The following MYO1F variants were observed in gnomAD, a reference collection of about 807,000 sequenced individuals.
MYO1F encodes myosin IF.
Under a neutral mutation model 146.6 loss-of-function variants are expected in MYO1F, and 60 were observed. The ratio of observed to expected loss-of-function variants is 0.41; its 90% CI spans 0.33 to 0.51. The LOEUF (loss-of-function observed/expected upper bound fraction) is 0.51. Ranked by LOEUF, MYO1F falls within the 20% of genes least tolerant of loss-of-function variation. MYO1F has a pLI of 0.25. For synonymous variants in MYO1F, 602 were observed against 602.1 expected, an observed-to-expected ratio of 1.00 and a Z score of 0.00; for missense variants, 1,274 against 1,534.3, an observed-to-expected ratio of 0.83 and a Z score of 2.83.
At chr19:8,531,686 T>C (rs569128749) in intron 19 of MYO1F, among the ~76,000 whole-genome samples, 1 of 152,340 alleles carries the variant, frequency 6.6e-6, no homozygotes, top group East Asian at 1.9e-4. Flanking sequence ...TTACTACCTG[T>C]GTGCTTTTGC....
chr19:8,530,573 G>C lies in MYO1F; in HGVS notation c.2044C>G (p.Leu682Val). 1 of 1,610,216 alleles carries C rather than the reference G, an allele frequency of 6.2e-7. No homozygotes were observed. The highest frequency in any genetic ancestry group is 8.5e-7 in the Non-Finnish European group (1 of 1,179,692). ...TKVFVKNPES[L>V]FLLEEVRERK... ...TCTCGCACCTCCTCCAGGAGGAAAA[G>C]CTGGGCGGGGGTCGTGGGGGGCAAG... Residue 682 changes from leucine (L) to valine (V), a missense_variant and splice_region_variant, in exon 20 of 28, where the codon CTT becomes GTT. Around this residue, in one of 2 missense-constraint regions of MYO1F, gnomAD observed 900 missense variants for 1,155.1 expected, o/e 0.78. Transcript: ENST00000644032. This position sits in a 1 kb window ranked among gnomAD's most constrained non-coding sequence, Gnocchi z 5.8.
rs372832841 is a variant in MYO1F at position 8,550,561 on chromosome 19, C to T, written c.904+1G>A. ...CAGCCCTCCCTGATACCCACACTCA[C>T]GGTCCACACTCTCCACTCGGGCGTA... On this transcript the variant is annotated splice_donor_variant, in intron 9 of 27. Coordinates refer to ENST00000644032, the MANE Select transcript of MYO1F (RefSeq NM_012335.4). LOFTEE classifies it high-confidence loss of function. 205 of 1,614,014 alleles carry T rather than the reference C, an allele frequency of 1.3e-4. No homozygotes were observed. Among genetic ancestry groups the T allele is most frequent in the Non-Finnish European group, 1.6e-4 (194 of 1,180,024 alleles).
chr19:8,523,561 G>A (rs1003424509), intron 25 of MYO1F, among the ~76,000 whole-genome samples: 3 of 151,738 alleles, frequency 2.0e-5, no homozygotes, highest in African/African-American at 7.3e-5. Context: ...ATGTTGCTCA[G>A]GCTGGTCTCA....
chr19:8,533,649 C>T (rs868381013), intron 19 of MYO1F, among the ~76,000 whole-genome samples: 41 of 152,064 alleles, frequency 2.7e-4, no homozygotes, highest in East Asian at 9.7e-4. Context: ...TGAGCCAGCA[C>T]GCTTAGCCTC....
Position 8,548,263 on chromosome 19 carries a change from C to T in MYO1F, c.1156G>A (p.Asp386Asn). The T allele has an allele frequency of 6.2e-7, 1 of 1,613,982 alleles. No individual in the cohort carries two copies. The highest frequency in any genetic ancestry group is 8.5e-7 in the Non-Finnish European group (1 of 1,179,998). The stretch of plus-strand genomic sequence containing the variant: ...TGGAAGATCTCGAAGCCGTAAATGT[C>T]CAGCACACCGATGCTGTACTCTTCC... ...PQEEYSIGVL[D>N]IYGFEIFQKN... The change falls in exon 11 of 28, where the codon GAC becomes AAC. Residue 386 changes from aspartate (D) to asparagine (N), a missense_variant. Asp to Asn is a conservative substitution (Grantham distance 23, BLOSUM62 1). Transcript: ENST00000644032.
At position 8,540,112 on chromosome 19, in the gene MYO1F, G is replaced by A; in HGVS notation, c.1611-84C>T. Reference sequence around the variant, plus strand: ...CCTCCAGGGGTGGGGCAGCCTCAATGCCGCAACGCAAAATATGGTTCTCTC... The same window carrying A: ...CCTCCAGGGGTGGGGCAGCCTCAATACCGCAACGCAAAATATGGTTCTCTC... On this transcript the variant is annotated intron_variant, in intron 15 of 27. Coordinates refer to ENST00000644032, the MANE Select transcript of MYO1F (RefSeq NM_012335.4). 4 of 1,034,966 alleles carry A rather than the reference G, an allele frequency of 3.9e-6. No homozygotes were observed. The East Asian group carries it at 7.6e-5, about 20-fold the overall frequency. The allele number at this position is 1,034,966 out of a possible 1,614,324, so 64.1% of individuals were successfully genotyped here. A position where few individuals can be genotyped will look rare whatever the true frequency, so the allele number is the denominator to read the frequency against.
chr19:8,544,306 G>A lies in MYO1F; in HGVS notation c.1515C>T (p.Tyr505=), dbSNP rs201869595. 4.8e-5 allele frequency: 77 copies of A among 1,613,142 alleles called. 1 individual carries two copies. In the Admixed American group the frequency reaches 6.5e-4, roughly 14 times the overall value. ...GGGGCAGGGGGCGCACCTTGCCAGC[G>A]TAGTGGTGGATGACGAAGCCGGCGC... ...SWSAGFVIHH[Y]AGKVSYDVSG... Residue 505 remains tyrosine (Y), a synonymous_variant, in exon 14 of 28, where the codon TAC becomes TAT. Transcript: ENST00000644032.
Position 8,548,057 on chromosome 19 carries a change from T to A in MYO1F, c.1248A>T (p.Glu416Asp). Residue 416 changes from glutamate (E) to aspartate (D), a missense_variant, in exon 12 of 28, where the codon GAA (glutamate) becomes GAT (aspartate). Glu to Asp is a conservative substitution (Grantham distance 45, BLOSUM62 2). Coordinates refer to ENST00000644032, the MANE Select transcript of MYO1F (RefSeq NM_012335.4). ...VNEKLQQIFI[E>D]LTLKAEQEEY... ...CCACCTGCTCGGCCTTCAGGGTAAG[T>A]TCGATAAAGATTTGCTGCAGCTTCT... 6.2e-7 allele frequency: 1 copy of A among 1,607,896 alleles called. No individual in the cohort carries two copies. The highest frequency in any genetic ancestry group is 8.5e-7 in the Non-Finnish European group (1 of 1,178,084).
At chr19:8,561,394 CT>C (rs1196763821) in intron 1 of MYO1F, among the ~76,000 whole-genome samples, 1,581 of 95,610 alleles carry the variant, frequency 0.017, 23 homozygotes, top group South Asian at 0.085. Flanking sequence ...CCCTTCTTTC[CT>C]TCCTTCCTTT....
intron 25 of MYO1F, among the ~76,000 whole-genome samples, chr19:8,523,841 C>A (rs1031151095): frequency 1.3e-4 from 20 of 152,210 alleles, no homozygotes; most frequent in African/African-American, 4.1e-4. Flanking sequence ...AATTTTTAGG[C>A]TAGGCGCGGT....
chr19:8,553,042 T>C, intron 6 of MYO1F, 97 bp downstream of exon 6: 2 of 1,195,712 alleles, frequency 1.7e-6, no homozygotes, highest in Non-Finnish European at 2.5e-6. Context: ...CAATGGACTC[T>C]TGTCTTGGCA....
At position 8,562,193 on chromosome 19, in the gene MYO1F, A is replaced by G. The variant is rs1231708725; in HGVS notation, c.4-6397T>C. 3.3e-5 allele frequency among the ~76,000 whole-genome samples: 5 copies of G among 149,780 alleles called. No individual in the cohort carries two copies. The East Asian group carries it at 7.8e-4, about 23-fold the overall frequency. ...TTTTTTTGTATTTTTAGTGGAGACG[A>G]GGTTTCACCGTGTTAGCCAGGATGG... On this transcript the variant is annotated intron_variant, in intron 1 of 27. Transcript: ENST00000644032.
intron 4 of MYO1F, 113 bp downstream of exon 4, chr19:8,554,364 G>A (rs1973753227): frequency 1.2e-6 from 1 of 867,852 alleles, no homozygotes; most frequent in South Asian, 1.3e-5. Flanking sequence ...GGGCAGAGAG[G>A]GACAGCAGGG....
At chr19:8,526,320 C>G in intron 24 of MYO1F, 133 bp downstream of exon 24, 4 of 1,377,650 alleles carry the variant, frequency 2.9e-6, no homozygotes, top group Non-Finnish European at 4.0e-6. Context: ...GAGTGAGACT[C>G]CGTCTTAAAA....
chr19:8,572,011 C>T (rs1027520698), intron 1 of MYO1F, among the ~76,000 whole-genome samples: 37 of 152,214 alleles, frequency 2.4e-4, no homozygotes, highest in African/African-American at 4.6e-4. Context: ...GCGTAAGCCA[C>T]CGCGCCTGGC....
chr19:8,555,799 G>T lies in MYO1F; in HGVS notation c.4-3C>A, dbSNP rs749818683. Reference sequence around the variant, plus strand: ...CAGTGGAAGCGCTCCTTGCTGCCCTGGGGGGTGAGAGGGGGGTCGGGGTGA... The same window carrying T: ...CAGTGGAAGCGCTCCTTGCTGCCCTTGGGGGTGAGAGGGGGGTCGGGGTGA... On this transcript the variant is annotated splice_region_variant and splice_polypyrimidine_tract_variant and intron_variant, in intron 1 of 27. Coordinates refer to ENST00000644032, the MANE Select transcript of MYO1F (RefSeq NM_012335.4). 2.5e-6 allele frequency: 4 copies of T among 1,610,824 alleles called. No homozygotes were observed. The highest frequency in any genetic ancestry group is 2.7e-5 in the African/African-American group (2 of 74,974).
chr19:8,523,848 C>T (rs1390311987), intron 25 of MYO1F, among the ~76,000 whole-genome samples: 9 of 152,172 alleles, frequency 5.9e-5, no homozygotes, highest in South Asian at 2.1e-4. Context: ...AGGCTAGGCG[C>T]GGTGGCTCAC....
chr19:8,537,739 AT>A (rs1218147758), intron 16 of MYO1F, among the ~76,000 whole-genome samples: 1 of 151,494 alleles, frequency 6.6e-6, no homozygotes, highest in Admixed American at 6.6e-5. Flanking sequence ...TGGCTGGGTG[AT>A]TTTTTTTGAG....
chr19:8,556,288 C>A (rs1206998615), intron 1 of MYO1F, among the ~76,000 whole-genome samples: 2 of 151,092 alleles, frequency 1.3e-5, no homozygotes, highest in African/African-American at 4.9e-5. Context: ...CCTCAGGCTC[C>A]CAAAGTGCTG....
Sources: allele counts gnomAD v4.1 joint callset (sites outside exome capture counted in the v4.1 genomes callset), GRCh38; gene constraint gnomAD v4.1.1; regional missense constraint gnomAD v4.1.1; non-coding constraint Gnocchi (gnomAD v3.1); transcripts MANE v1.5; gene names NCBI Gene and HGNC (gene_info 2026-07-23, HGNC 2026-07-21).